CSTPP1: variants seen among roughly 807,000 people sequenced by gnomAD.
The protein encoded by CSTPP1 is centriolar satellite-associated tubulin polyglutamylase complex regulator 1.
At chr11:47,144,240 G>A in the CSTPP1 span, among the ~76,000 whole-genome samples, 1 of 152,114 alleles carries the variant, frequency 6.6e-6, no homozygotes, top group Non-Finnish European at 1.5e-5. Context: ...CCAGGCTGGA[G>A]TGCAGTGGCG....
At chr11:46,998,687 G>T in the CSTPP1 span, among the ~76,000 whole-genome samples, 2 of 152,092 alleles carry the variant, frequency 1.3e-5, no homozygotes, top group African/African-American at 4.8e-5. Flanking sequence ...TTGTGAATTT[G>T]ATTTAGTTAG....
the CSTPP1 span, among the ~76,000 whole-genome samples, chr11:47,022,273 G>A: frequency 3.3e-4 from 49 of 147,002 alleles, no homozygotes; most frequent in South Asian, 9.9e-3. Flanking sequence ...TGAATTTGAT[G>A]TCTCCACTCT....
At chr11:47,053,986 G>T in the CSTPP1 span, among the ~76,000 whole-genome samples, 2 of 151,484 alleles carry the variant, frequency 1.3e-5, no homozygotes, top group African/African-American at 4.8e-5. Flanking sequence ...TTATTCTCTG[G>T]GTATTATTTG....
the CSTPP1 span, among the ~76,000 whole-genome samples, chr11:46,942,987 A>T: frequency 6.6e-6 from 1 of 152,230 alleles, no homozygotes; most frequent in African/African-American, 2.4e-5. Flanking sequence ...CTTATTAAGG[A>T]TGAGGCTCTT....
the CSTPP1 span, among the ~76,000 whole-genome samples, chr11:47,093,409 T>G: frequency 6.6e-6 from 1 of 152,230 alleles, no homozygotes; most frequent in Non-Finnish European, 1.5e-5. Flanking sequence ...ATTTATTCAT[T>G]CTTTCATTCA....
chr11:47,078,740 C>T, the CSTPP1 span, among the ~76,000 whole-genome samples: 2 of 152,138 alleles, frequency 1.3e-5, no homozygotes, highest in Non-Finnish European at 2.9e-5. Context: ...TGGCTTCAGT[C>T]TTCTCAAGAA....
chr11:47,031,401 C>T, the CSTPP1 span, among the ~76,000 whole-genome samples: 3 of 152,136 alleles, frequency 2.0e-5, no homozygotes, highest in Non-Finnish European at 4.4e-5. Flanking sequence ...CTGGAGAAAA[C>T]TGCCCTAGAG....
the CSTPP1 span, among the ~76,000 whole-genome samples, chr11:47,139,206 C>T: frequency 6.6e-6 from 1 of 152,060 alleles, no homozygotes; most frequent in African/African-American, 2.4e-5. Flanking sequence ...TGTGGGGAGC[C>T]TCCGGCTCTG....
At chr11:47,122,088 AAAAAT>A in the CSTPP1 span, among the ~76,000 whole-genome samples, 49 of 96,728 alleles carry the variant, frequency 5.1e-4, no homozygotes, top group East Asian at 6.4e-3. Context: ...AAAAAAAAAA[AAAAAT>A]ATATATATAT....
At chr11:46,939,631 CATAGATAG>C in the CSTPP1 span, among the ~76,000 whole-genome samples, 1,529 of 116,934 alleles carry the variant, frequency 0.013, 11 homozygotes, top group Middle Eastern at 0.043. Context: ...CTCTAAAATG[CATAGATAG>C]ATAGATAGAT....
chr11:47,019,700 A>C, the CSTPP1 span, among the ~76,000 whole-genome samples: 1 of 152,222 alleles, frequency 6.6e-6, no homozygotes, highest in South Asian at 2.1e-4. Context: ...ATCAAAGATC[A>C]GTGATCACAG....
At chr11:46,955,854 C>T in the CSTPP1 span, among the ~76,000 whole-genome samples, 2 of 151,724 alleles carry the variant, frequency 1.3e-5, no homozygotes, top group Non-Finnish European at 2.9e-5. Flanking sequence ...TAGCTGGGCG[C>T]GGCGGGTGCC....
the CSTPP1 span, among the ~76,000 whole-genome samples, chr11:46,976,648 A>G: frequency 6.6e-6 from 1 of 152,206 alleles, no homozygotes; most frequent in Non-Finnish European, 1.5e-5. Context: ...TTGGCACAGA[A>G]TAGGTATTTG....
At chr11:46,969,801 G>A in the CSTPP1 span, among the ~76,000 whole-genome samples, 15 of 152,122 alleles carry the variant, frequency 9.9e-5, no homozygotes, top group African/African-American at 3.1e-4. Flanking sequence ...GTCTCACTCT[G>A]TCACCCAGGC....
At chr11:47,137,470 T>C in the CSTPP1 span, 1 of 1,502,308 alleles carries the variant, frequency 6.7e-7, no homozygotes, top group African/African-American at 1.4e-5. Flanking sequence ...TTTGTAGAAA[T>C]ACTGATCTTA....
At chr11:46,993,537 C>A in the CSTPP1 span, among the ~76,000 whole-genome samples, 3 of 151,996 alleles carry the variant, frequency 2.0e-5, no homozygotes, top group Middle Eastern at 3.2e-3. Flanking sequence ...ATAGGGAATC[C>A]TTTCCCCATT....
At chr11:47,124,014 T>C in the CSTPP1 span, among the ~76,000 whole-genome samples, 2 of 150,678 alleles carry the variant, frequency 1.3e-5, no homozygotes, top group African/African-American at 4.9e-5. Context: ...CCACAGAGAA[T>C]GACAATGAAA....
At chr11:47,148,923 C>T in the CSTPP1 span, among the ~76,000 whole-genome samples, 1 of 152,160 alleles carries the variant, frequency 6.6e-6, no homozygotes, top group African/African-American at 2.4e-5. Flanking sequence ...GCAGCCCGTG[C>T]CACTAGACCA....
the CSTPP1 span, among the ~76,000 whole-genome samples, chr11:47,049,323 T>C: frequency 6.6e-6 from 1 of 151,934 alleles, no homozygotes; most frequent in Non-Finnish European, 1.5e-5. Context: ...AGATAATGAG[T>C]ATTTTCAGAC....
Sources: allele counts gnomAD v4.1 joint callset (sites outside exome capture counted in the v4.1 genomes callset), GRCh38; gene constraint gnomAD v4.1.1; transcripts MANE v1.5; gene names NCBI Gene and HGNC (gene_info 2026-07-23, HGNC 2026-07-21).